GUCY1A1: variants seen among roughly 807,000 people sequenced by gnomAD.
The protein encoded by GUCY1A1 is guanylate cyclase soluble subunit alpha-1.
Under a neutral mutation model 64.5 loss-of-function variants are expected in GUCY1A1, and 48 were observed. The observed-to-expected ratio is 0.74, with a 90% CI of 0.59 to 0.95. GUCY1A1 has a LOEUF of 0.95. Among genes scored for constraint, GUCY1A1 ranks in the 40% least tolerant of loss-of-function variants. The probability of loss-of-function intolerance (pLI) is 0.00; values close to 1 mark genes in which losing one functional copy is unlikely to be tolerated. For synonymous variants in GUCY1A1, 308 were observed against 303.4 expected, an observed-to-expected ratio of 1.02 and a Z score of -0.16; for missense variants, 804 against 825.3, an observed-to-expected ratio of 0.97 and a Z score of 0.32.
chr4:155,733,963 G>A lies in GUCY1A1; in HGVS notation c.*3732G>A, dbSNP rs1234702442. On this transcript the variant is annotated 3_prime_UTR_variant, in exon 10 of 10. Transcript: ENST00000506455. ...GCATAAAGCTGGGATGTCTGGCATTGGAATTTTATGTCACTCTCAAGGCTA... is the reference window on the plus strand; with the variant it reads ...GCATAAAGCTGGGATGTCTGGCATTAGAATTTTATGTCACTCTCAAGGCTA... 6.6e-6 allele frequency among the ~76,000 whole-genome samples: 1 copy of A among 151,820 alleles called. No individual in the cohort carries two copies. The highest frequency in any genetic ancestry group is 2.4e-5 in the African/African-American group (1 of 41,362).
chr4:155,732,948 G>C lies in GUCY1A1; in HGVS notation c.*2717G>C, dbSNP rs1213996094. On this transcript the variant is annotated 3_prime_UTR_variant, in exon 10 of 10. Coordinates refer to ENST00000506455, the MANE Select transcript of GUCY1A1 (RefSeq NM_001130682.3). ...CAGAGTTATACTGAACTTTTCTAAA[G>C]ATGCTTTGCATCAAGAAGCAAAGGG... Among the ~76,000 whole-genome samples the C allele has an allele frequency of 5.3e-5, 8 of 151,808 alleles. No individual in the cohort carries two copies. Among genetic ancestry groups the C allele is most frequent in the Non-Finnish European group, 1.2e-4 (8 of 67,888 alleles).
chr4:155,724,481 G>T (rs538177156), intron 9 of GUCY1A1, among the ~76,000 whole-genome samples: 119 of 152,050 alleles, frequency 7.8e-4, no homozygotes, highest in Non-Finnish European at 1.6e-3. Context: ...CACTCAAACG[G>T]TTCTTATCAA....
intron 8 of GUCY1A1, among the ~76,000 whole-genome samples, chr4:155,719,265 A>G (rs1036188332): frequency 6.6e-6 from 1 of 152,202 alleles, no homozygotes; most frequent in African/African-American, 2.4e-5. Context: ...TATGCATACT[A>G]ACCTGCAGCC....
At chr4:155,695,429 C>T (rs1730287746) in intron 2 of GUCY1A1, among the ~76,000 whole-genome samples, 1 of 151,868 alleles carries the variant, frequency 6.6e-6, no homozygotes, top group Admixed American at 6.6e-5. Context: ...TACCACTAGC[C>T]AATGAACAGG....
intron 7 of GUCY1A1, among the ~76,000 whole-genome samples, chr4:155,714,011 G>A (rs1057091042): frequency 1.3e-5 from 2 of 152,116 alleles, no homozygotes; most frequent in African/African-American, 4.8e-5. Context: ...ATCTGTAAGA[G>A]TAAAGACACA....
In GUCY1A1 at chr4:155,713,115, C is replaced by T. The variant is rs763928762; in HGVS notation, c.1104C>T (p.Gly368=). 6.2e-7 allele frequency: 1 copy of T among 1,611,296 alleles called. No individual in the cohort carries two copies. The highest frequency in any genetic ancestry group is 2.2e-5 in the East Asian group (1 of 44,828). Residue 368 remains glycine (G), a synonymous_variant, in exon 7 of 10, where the codon GGC becomes GGT. Transcript: ENST00000506455. The stretch of plus-strand genomic sequence containing the variant: ...CTTCATAGGTTATGGACCTCAAAGG[C>T]CAAATGATCTACATTGTTGAATCCA... ...KKSSRVMDLK[G]QMIYIVESSA...
chr4:155,732,697 T>G lies in GUCY1A1; in HGVS notation c.*2466T>G, dbSNP rs1735683628. Among the ~76,000 whole-genome samples the G allele has an allele frequency of 6.6e-6, 1 of 151,836 alleles. No homozygotes were observed. The highest frequency in any genetic ancestry group is 6.6e-5 in the Admixed American group (1 of 15,198). On this transcript the variant is annotated 3_prime_UTR_variant, in exon 10 of 10. Coordinates refer to ENST00000506455, the MANE Select transcript of GUCY1A1 (RefSeq NM_001130682.3). Reference sequence around the variant, plus strand: ...AAAATAGTGGACAAACAGCCTGTAATCAGGTTGGGGATTACGGGTACTGAG... The same window carrying G: ...AAAATAGTGGACAAACAGCCTGTAAGCAGGTTGGGGATTACGGGTACTGAG...
At chr4:155,721,337 A>G (rs1241830580) in intron 8 of GUCY1A1, among the ~76,000 whole-genome samples, 1 of 152,104 alleles carries the variant, frequency 6.6e-6, no homozygotes, top group Non-Finnish European at 1.5e-5. Context: ...AATTCCTAAA[A>G]TTTTGCCACA....
At position 155,711,101 on chromosome 4, in the gene GUCY1A1, A is replaced by G; in HGVS notation, c.936A>G (p.Arg312=). 2 of 1,613,848 alleles carry G rather than the reference A, an allele frequency of 1.2e-6. No individual in the cohort carries two copies. Among genetic ancestry groups the G allele is most frequent in the Middle Eastern group, 1.6e-4 (1 of 6,062 alleles). The change falls in exon 6 of 10, where the codon AGA becomes AGG. Residue 312 remains arginine (R), a synonymous_variant. Coordinates refer to ENST00000506455, the MANE Select transcript of GUCY1A1 (RefSeq NM_001130682.3). ...GNGIRRLMNR[R]DFQGKPNFEE... ...GCATCAGAAGGCTGATGAACAGGAG[A>G]GACTTTCAAGGAAAGCCTAATTTTG...
chr4:155,728,950 C>A (rs1735143468), intron 9 of GUCY1A1, among the ~76,000 whole-genome samples: 1 of 151,764 alleles, frequency 6.6e-6, no homozygotes, highest in Admixed American at 6.6e-5. Flanking sequence ...TTTATAAATT[C>A]ATGACTAAGG....
At chr4:155,725,781 G>T (rs1324872234) in intron 9 of GUCY1A1, among the ~76,000 whole-genome samples, 2 of 151,964 alleles carry the variant, frequency 1.3e-5, no homozygotes, top group Non-Finnish European at 2.9e-5. Flanking sequence ...ATATATTTCT[G>T]ACAACAGGAC....
intron 3 of GUCY1A1, among the ~76,000 whole-genome samples, chr4:155,702,065 A>G (rs566615203): frequency 2.0e-5 from 3 of 152,106 alleles, no homozygotes; most frequent in African/African-American, 7.2e-5. Flanking sequence ...AACATCTCCT[A>G]TGGATAGGTA....
rs1417772590 is a variant in GUCY1A1, at chr4:155,736,726, C to A, written c.*6495C>A. 6.6e-6 allele frequency: 1 copy of A among 151,856 alleles called. No individual in the cohort carries two copies. Among genetic ancestry groups the A allele is most frequent in the East Asian group, 1.9e-4 (1 of 5,154 alleles). The allele number at this position is 151,856 out of a possible 1,614,324, so 9.4% of individuals were successfully genotyped here. ...TCTTTTCAGCAAATATTTAACATAT[C>A]TCTCAATATATTTTTCACCAGTTTT... On this transcript the variant is annotated 3_prime_UTR_variant, in exon 10 of 10. Coordinates refer to ENST00000506455, the MANE Select transcript of GUCY1A1 (RefSeq NM_001130682.3).
intron 2 of GUCY1A1, among the ~76,000 whole-genome samples, chr4:155,674,997 G>A (rs1382168887): frequency 6.6e-6 from 1 of 151,478 alleles, no homozygotes; most frequent in Non-Finnish European, 1.5e-5. Flanking sequence ...ATTGTGCTAT[G>A]ACATTACAAT....
chr4:155,692,023 C>T (rs1729808572), intron 2 of GUCY1A1, among the ~76,000 whole-genome samples: 1 of 152,110 alleles, frequency 6.6e-6, no homozygotes, highest in Admixed American at 6.5e-5. Context: ...TTAGCTCTCA[C>T]TTATAAGTGA....
intron 9 of GUCY1A1, among the ~76,000 whole-genome samples, chr4:155,727,683 A>G (rs936982084): frequency 5.3e-5 from 8 of 151,808 alleles, no homozygotes; most frequent in South Asian, 2.1e-4. Context: ...TAAAAAAACA[A>G]AGCAAACAAG....
At chr4:155,682,517 A>G (rs1219685249) in intron 2 of GUCY1A1, among the ~76,000 whole-genome samples, 1 of 152,042 alleles carries the variant, frequency 6.6e-6, no homozygotes, top group Non-Finnish European at 1.5e-5. Context: ...TAAAAATACA[A>G]AAGCATTAGC....
In GUCY1A1 at chr4:155,710,820, A is replaced by G. The variant is rs1464652418; in HGVS notation, c.655A>G (p.Ile219Val). 1 of 1,614,144 alleles carries G rather than the reference A, an allele frequency of 6.2e-7. No homozygotes were observed. Among genetic ancestry groups the G allele is most frequent in the Non-Finnish European group, 8.5e-7 (1 of 1,180,014 alleles). Residue 219 changes from isoleucine (I) to valine (V), a missense_variant, in exon 6 of 10, where the codon ATA (isoleucine) becomes GTA (valine). Ile to Val is a conservative substitution (Grantham distance 29). Transcript: ENST00000506455. Reference sequence around the variant, plus strand: ...CACCTCCCTGATTCTTCCCGGCATCATAAAGGCAGCTGCTCACGTATTATA... The same window carrying G: ...CACCTCCCTGATTCTTCCCGGCATCGTAAAGGCAGCTGCTCACGTATTATA... The part of the protein sequence containing the change: ...RTTSLILPGI[I>V]KAAAHVLYET...
chr4:155,719,873 G>A (rs1233030471), intron 8 of GUCY1A1, among the ~76,000 whole-genome samples: 1 of 152,162 alleles, frequency 6.6e-6, no homozygotes, highest in Admixed American at 6.5e-5. Context: ...GCCCTTAGTA[G>A]GTTCCCATTC....
Sources: gnomAD v4.1 joint callset for allele counts (sites outside exome capture counted in the v4.1 genomes callset) on GRCh38, gnomAD v4.1.1 for gene constraint, MANE v1.5 for transcripts, NCBI Gene and HGNC (gene_info 2026-07-23, HGNC 2026-07-21) for gene names.